BICDL1: variants seen among roughly 807,000 people sequenced by gnomAD.
BICDL1 encodes BICD family like cargo adaptor 1, also known as BICD family-like cargo adapter 1.
BICDL1 carries 20 observed loss-of-function variants against 76.8 expected under a neutral mutation model. The ratio of observed to expected loss-of-function variants is 0.26; its 90% CI spans 0.18 to 0.38. The LOEUF (loss-of-function observed/expected upper bound fraction) is 0.38, where lower values mean the gene tolerates loss of function less well. Ranked by LOEUF, BICDL1 falls within the 10% of genes least tolerant of loss-of-function variation. The probability of loss-of-function intolerance (pLI) is 1.00; values close to 1 mark genes in which losing one functional copy is unlikely to be tolerated. For synonymous variants in BICDL1, 383 were observed against 337.1 expected (o/e 1.14, Z -1.49); for missense variants, 700 against 798.6 (o/e 0.88, Z 1.49).
chr12:120,006,192 G>A (rs1430325542), intron 2 of BICDL1, among the ~76,000 whole-genome samples: 1 of 152,204 alleles, frequency 6.6e-6, no homozygotes, highest in East Asian at 1.9e-4. Flanking sequence ...AATGGTGCCT[G>A]GAGAGGAGGC....
chr12:119,990,039 G>A lies in BICDL1; in HGVS notation c.171G>A (p.Glu57=), dbSNP rs1951481827. The stretch of plus-strand genomic sequence containing the variant: ...CCGGGGAGCTAGAACTGGCGTTAGA[G>A]GAGGAGCTGGCGCTGCTGGCGGCCG... The part of the protein sequence containing the change: ...GGSGELELAL[E]EELALLAAGE... The change falls in exon 1 of 10, where the codon GAG becomes GAA. Residue 57 remains glutamate (E), a synonymous_variant. Coordinates refer to ENST00000548673, the MANE Select transcript of BICDL1 (RefSeq NM_001367886.1). The A allele has an allele frequency of 3.3e-6, 5 of 1,529,578 alleles. No homozygotes were observed. Among genetic ancestry groups the A allele is most frequent in the Non-Finnish European group, 1.7e-6 (2 of 1,143,004 alleles). The allele number at this position is 1,529,578 out of a possible 1,614,324, so 94.8% of individuals were successfully genotyped here. A position where few individuals can be genotyped will look rare whatever the true frequency, so the allele number is the denominator to read the frequency against.
rs1170336557 is a variant in BICDL1 at position 120,071,004 on chromosome 12, AC to A, written c.910-617del. ...TTTGGCCTTCCAAAATGCTGGTGTTACAGGCGTGAGCCACCACGCCCGGCCT... is the reference window on the plus strand; with the variant it reads ...TTTGGCCTTCCAAAATGCTGGTGTTAAGGCGTGAGCCACCACGCCCGGCCT... On this transcript the variant is annotated intron_variant, in intron 4 of 9. Coordinates refer to ENST00000548673, the MANE Select transcript of BICDL1 (RefSeq NM_001367886.1). The surrounding 1 kb of genome is among the most constrained non-coding windows in gnomAD (Gnocchi z 4.8). Among the ~76,000 whole-genome samples, 2 of 152,096 alleles carry A rather than the reference AC, an allele frequency of 1.3e-5. No homozygotes were observed. Among genetic ancestry groups the A allele is most frequent in the Non-Finnish European group, 2.9e-5 (2 of 68,012 alleles).
chr12:120,022,555 G>A (rs1286210876), intron 2 of BICDL1, among the ~76,000 whole-genome samples: 1 of 151,046 alleles, frequency 6.6e-6, no homozygotes, highest in Non-Finnish European at 1.5e-5. Context: ...TTGGATCTTA[G>A]TTTGAACAAA....
At chr12:120,070,164 GA>G (rs2138937436) in intron 4 of BICDL1, among the ~76,000 whole-genome samples, 2 of 152,278 alleles carry the variant, frequency 1.3e-5, no homozygotes, top group South Asian at 4.1e-4. Flanking sequence ...CTGGATCATA[GA>G]ATATAGATTC....
At chr12:120,017,983 G>C (rs550079599) in intron 2 of BICDL1, among the ~76,000 whole-genome samples, 1 of 152,278 alleles carries the variant, frequency 6.6e-6, no homozygotes, top group South Asian at 2.1e-4. Flanking sequence ...TCAGATTGCT[G>C]TTTATATCTA....
chr12:119,991,397 C>A (rs936686564), intron 1 of BICDL1, among the ~76,000 whole-genome samples: 12 of 152,252 alleles, frequency 7.9e-5, no homozygotes, highest in African/African-American at 2.6e-4. Flanking sequence ...TGCCTATAGT[C>A]CAGCGACGTA....
At chr12:120,019,211 A>G (rs1197284533) in intron 2 of BICDL1, 1 of 152,176 alleles carries the variant, frequency 6.6e-6, no homozygotes, top group East Asian at 1.9e-4. Context: ...GATTGTGCCT[A>G]TGAAAAGTTA....
chr12:120,004,127 T>TC (rs1164560343), intron 2 of BICDL1, among the ~76,000 whole-genome samples: 6 of 152,228 alleles, frequency 3.9e-5, no homozygotes, highest in Non-Finnish European at 2.9e-5. Flanking sequence ...GATGGCTTCT[T>TC]CAAGAGTAAA....
chr12:120,056,018 T>C (rs1165305880), intron 2 of BICDL1, among the ~76,000 whole-genome samples: 1 of 152,188 alleles, frequency 6.6e-6, no homozygotes, highest in Non-Finnish European at 1.5e-5. Flanking sequence ...CTCGAAATGC[T>C]CATCAGTAGG....
At chr12:120,059,664 G>A (rs1396714527) in intron 2 of BICDL1, among the ~76,000 whole-genome samples, 1 of 148,556 alleles carries the variant, frequency 6.7e-6, no homozygotes, top group African/African-American at 2.5e-5. Context: ...GCCACCTCAG[G>A]CTCCCAAAAT....
rs1233580721 is a variant in BICDL1 at position 120,094,043 on chromosome 12, G to C, written c.*882G>C. The C allele has an allele frequency of 2.6e-6, 1 of 381,040 alleles. No individual in the cohort carries two copies. The highest frequency in any genetic ancestry group is 3.6e-5 in the Admixed American group (1 of 28,104). The allele number at this position is 381,040 out of a possible 1,614,324, so 23.6% of individuals were successfully genotyped here. A position where few individuals can be genotyped will look rare whatever the true frequency, so the allele number is the denominator to read the frequency against. On this transcript the variant is annotated 3_prime_UTR_variant, in exon 10 of 10. Coordinates refer to ENST00000548673, the MANE Select transcript of BICDL1 (RefSeq NM_001367886.1). Reference sequence around the variant, plus strand: ...CCAGGCCACTGAATGGCACCAGAGGGGTCTGTGGTCAGCCACCCCACCTTG... The same window carrying C: ...CCAGGCCACTGAATGGCACCAGAGGCGTCTGTGGTCAGCCACCCCACCTTG...
At chr12:120,002,347 C>T (rs1327225222) in intron 2 of BICDL1, among the ~76,000 whole-genome samples, 2 of 152,114 alleles carry the variant, frequency 1.3e-5, no homozygotes, top group African/African-American at 2.4e-5. Context: ...CCATAAGAAA[C>T]GTGTTGGGGT....
rs577886502 is a variant in BICDL1, at chr12:120,094,017, T to A, written c.*856T>A. The A allele has an allele frequency of 2.8e-4, 102 of 359,874 alleles. 2 individuals are homozygous for A. The highest frequency in any genetic ancestry group is 1.4e-3 in the South Asian group (69 of 49,314). 22.3% of individuals were successfully genotyped at this position (359,874 alleles called of 1,614,324 possible). A position where few individuals can be genotyped will look rare whatever the true frequency, so the allele number is the denominator to read the frequency against. The stretch of plus-strand genomic sequence containing the variant: ...TAATTTCTTGGCCTAGCCAAACAAG[T>A]CCAGGCCACTGAATGGCACCAGAGG... On this transcript the variant is annotated 3_prime_UTR_variant, in exon 10 of 10. Coordinates refer to ENST00000548673, the MANE Select transcript of BICDL1 (RefSeq NM_001367886.1).
At chr12:120,045,569 C>T (rs1952730668) in intron 2 of BICDL1, among the ~76,000 whole-genome samples, 2 of 152,038 alleles carry the variant, frequency 1.3e-5, no homozygotes, top group South Asian at 4.2e-4. Context: ...CACATATACA[C>T]CGTGGAATAC....
At chr12:120,080,815 G>C in intron 7 of BICDL1, 72 bp from the exon 8 acceptor site, 1 of 1,569,318 alleles carries the variant, frequency 6.4e-7, no homozygotes, top group East Asian at 2.3e-5. Context: ...GGGTCTCTTT[G>C]TTCCTTTTTC....
intron 2 of BICDL1, among the ~76,000 whole-genome samples, chr12:120,023,312 G>A (rs989261238): frequency 6.6e-6 from 1 of 152,236 alleles, no homozygotes; most frequent in African/African-American, 2.4e-5. Context: ...GGACAAGCTT[G>A]CATCTAAACA....
intron 8 of BICDL1, among the ~76,000 whole-genome samples, chr12:120,083,297 C>T (rs1874135576): frequency 6.6e-6 from 1 of 152,162 alleles, no homozygotes; most frequent in African/African-American, 2.4e-5. Context: ...TACTCTGCCA[C>T]CCAGGCTGTA....
intron 7 of BICDL1, among the ~76,000 whole-genome samples, chr12:120,077,855 C>T (rs892961775): frequency 2.1e-5 from 3 of 143,256 alleles, no homozygotes; most frequent in Non-Finnish European, 3.0e-5. Context: ...GAAAGTGGGA[C>T]GCCCCTTACA....
At position 120,071,149 on chromosome 12, in the gene BICDL1, T is replaced by C. The variant is rs1305549473; in HGVS notation, c.910-473T>C. Among the ~76,000 whole-genome samples the C allele has an allele frequency of 6.6e-6, 1 of 152,004 alleles. No homozygotes were observed. The highest frequency in any genetic ancestry group is 1.5e-5 in the Non-Finnish European group (1 of 67,996). ...GTCCTATAGAATTTTCTTTTTTCTTTTTTTCTTTTTTGAGGTGGCGTCTCG... is the reference window on the plus strand; with the variant it reads ...GTCCTATAGAATTTTCTTTTTTCTTCTTTTCTTTTTTGAGGTGGCGTCTCG... On this transcript the variant is annotated intron_variant, in intron 4 of 9. Transcript: ENST00000548673. The surrounding 1 kb of genome is among the most constrained non-coding windows in gnomAD (Gnocchi z 4.8).
Sources: gnomAD v4.1 joint callset for allele counts (sites outside exome capture counted in the v4.1 genomes callset) on GRCh38, gnomAD v4.1.1 for gene constraint, Gnocchi (gnomAD v3.1) non-coding constraint, MANE v1.5 for transcripts, NCBI Gene and HGNC (gene_info 2026-07-23, HGNC 2026-07-21) for gene names.